Variants in TENM3 observed in about 807,000 individuals in gnomAD.
TENM3 encodes the protein teneurin transmembrane protein 3.
In TENM3, 63 loss-of-function variants were observed where a neutral mutation model predicts 255.1. The ratio of observed to expected loss-of-function variants is 0.25; its 90% confidence interval spans 0.20 to 0.30. The LOEUF (loss-of-function observed/expected upper bound fraction) is 0.30. Among genes scored for constraint, TENM3 ranks in the 10% least tolerant of loss-of-function variants. The pLI is 1.00. For missense variants in TENM3, 2,929 were observed against 3,461.1 expected, an observed-to-expected ratio of 0.85 and a Z score of 3.86; for synonymous variants, 1,306 against 1,322.3, an observed-to-expected ratio of 0.99 and a Z score of 0.27.
At chr4:182,027,905 G>T in the TENM3 span, among the ~76,000 whole-genome samples, 2 of 152,004 alleles carry the variant, frequency 1.3e-5, no homozygotes, top group Admixed American at 1.3e-4. Flanking sequence ...ATATTCATCA[G>T]AGATATTGGC....
the TENM3 span, among the ~76,000 whole-genome samples, chr4:181,984,789 CGTGTGTGTGTGTGTGTGTGTGT>C: frequency 3.6e-5 from 5 of 138,586 alleles, no homozygotes; most frequent in South Asian, 1.0e-3. Context: ...CTAAAAGAGT[CGTGTGTGTGTGTGTGTGTGTGT>C]GTGTGTGTGT....
intron 3 of TENM3, among the ~76,000 whole-genome samples, chr4:182,542,491 A>G (rs929674535): frequency 6.6e-6 from 1 of 152,130 alleles, no homozygotes; most frequent in African/African-American, 2.4e-5. Context: ...CTCCACCTAG[A>G]GCCAAGGTCA....
chr4:182,095,125 C>T, the TENM3 span, among the ~76,000 whole-genome samples: 2 of 152,068 alleles, frequency 1.3e-5, no homozygotes, highest in South Asian at 4.1e-4. Context: ...GGAGATTCCT[C>T]ACAAAACTAA....
At chr4:182,306,271 A>G (rs939209484) in intron 1 of TENM3, among the ~76,000 whole-genome samples, 2 of 151,638 alleles carry the variant, frequency 1.3e-5, no homozygotes, top group Admixed American at 6.6e-5. Context: ...ATAGCCTGCA[A>G]CCTTGACCTC....
chr4:182,300,234 A>T (rs1761770993), intron 1 of TENM3, among the ~76,000 whole-genome samples: 1 of 149,582 alleles, frequency 6.7e-6, no homozygotes, highest in Non-Finnish European at 1.5e-5. Flanking sequence ...ATTATTTATG[A>T]GAATCGTTTT....
intron 22 of TENM3, among the ~76,000 whole-genome samples, chr4:182,761,545 T>C (rs1763194871): frequency 2.0e-5 from 3 of 152,162 alleles, no homozygotes; most frequent in African/African-American, 4.8e-5. Context: ...ATCATTGTTA[T>C]TTCTGCCAAA....
the TENM3 span, among the ~76,000 whole-genome samples, chr4:181,667,590 A>T: frequency 1.3e-5 from 2 of 152,078 alleles, no homozygotes; most frequent in African/African-American, 4.8e-5. Flanking sequence ...TTATAAAAGG[A>T]TGAGTTCTCC....
At chr4:182,505,979 A>T (rs1007539622) in intron 3 of TENM3, among the ~76,000 whole-genome samples, 1 of 152,228 alleles carries the variant, frequency 6.6e-6, no homozygotes, top group Admixed American at 6.5e-5. Flanking sequence ...AACTTAAAAG[A>T]GGATGCATCA....
At chr4:181,646,717 C>T in the TENM3 span, among the ~76,000 whole-genome samples, 1 of 152,176 alleles carries the variant, frequency 6.6e-6, no homozygotes, top group Non-Finnish European at 1.5e-5. Flanking sequence ...GACCGAGGCG[C>T]GTCTGACTCT....
the TENM3 span, among the ~76,000 whole-genome samples, chr4:181,928,241 G>A: frequency 1.3e-5 from 2 of 151,900 alleles, no homozygotes; most frequent in Non-Finnish European, 2.9e-5. Flanking sequence ...CTGAGCTAAA[G>A]GACTATGTTC....
At chr4:182,259,259 C>T (rs553846206) in intron 1 of TENM3, among the ~76,000 whole-genome samples, 3 of 152,264 alleles carry the variant, frequency 2.0e-5, no homozygotes, top group African/African-American at 7.2e-5. Context: ...CCTCAGGGAA[C>T]AGCTTTCATA....
At chr4:182,553,349 G>C (rs1742252241) in intron 3 of TENM3, among the ~76,000 whole-genome samples, 1 of 143,990 alleles carries the variant, frequency 6.9e-6, no homozygotes, top group South Asian at 2.3e-4. Flanking sequence ...ATGGACACAG[G>C]AAGGGGGACA....
At chr4:181,706,930 T>C in the TENM3 span, among the ~76,000 whole-genome samples, 1 of 152,226 alleles carries the variant, frequency 6.6e-6, no homozygotes, top group Non-Finnish European at 1.5e-5. Flanking sequence ...ACGTTAGCCC[T>C]AGCTCAGCCA....
At chr4:181,578,653 T>A in the TENM3 span, among the ~76,000 whole-genome samples, 1 of 152,100 alleles carries the variant, frequency 6.6e-6, no homozygotes, top group African/African-American at 2.4e-5. Context: ...AATCTCAGCA[T>A]CTCCATCAAA....
the TENM3 span, among the ~76,000 whole-genome samples, chr4:181,642,327 T>A: frequency 6.6e-6 from 1 of 152,178 alleles, no homozygotes; most frequent in Non-Finnish European, 1.5e-5. Flanking sequence ...GGTTAGTTTT[T>A]TTCTTGTAAA....
the TENM3 span, among the ~76,000 whole-genome samples, chr4:181,475,365 A>T: frequency 6.6e-6 from 1 of 152,122 alleles, no homozygotes; most frequent in East Asian, 1.9e-4. Flanking sequence ...GGTTTTTTTT[A>T]TTGAGCAATT....
chr4:181,517,340 C>T, the TENM3 span, among the ~76,000 whole-genome samples: 1 of 152,044 alleles, frequency 6.6e-6, no homozygotes, highest in Non-Finnish European at 1.5e-5. Context: ...CTAATCTTTT[C>T]CAAAGTCAAA....
the TENM3 span, among the ~76,000 whole-genome samples, chr4:181,506,702 A>C: frequency 1.3e-5 from 2 of 151,772 alleles, no homozygotes; most frequent in Admixed American, 1.3e-4. Flanking sequence ...CATGATGAGG[A>C]CAACTCTAAT....
At chr4:182,391,712 G>C (rs1768436807) in intron 3 of TENM3, among the ~76,000 whole-genome samples, 1 of 152,218 alleles carries the variant, frequency 6.6e-6, no homozygotes, top group African/African-American at 2.4e-5. Flanking sequence ...AGATGGCAGA[G>C]ATAATAGATT....
Sources: allele counts gnomAD v4.1 joint callset (sites outside exome capture counted in the v4.1 genomes callset), GRCh38; gene constraint gnomAD v4.1.1; transcripts MANE v1.5; gene names NCBI Gene and HGNC (gene_info 2026-07-23, HGNC 2026-07-21).